The following IFITM10 variants were observed in gnomAD, a reference collection of about 807,000 sequenced individuals.
The protein encoded by IFITM10 is interferon-induced transmembrane protein 10.
Under a neutral mutation model 19.0 loss-of-function variants are expected in IFITM10, and 17 were observed. The observed-to-expected ratio is 0.90, with a 90% confidence interval of 0.61 to 1.34. The LOEUF is 1.34. Ranked by LOEUF, IFITM10 falls within the 40% of genes most tolerant of loss-of-function variation. IFITM10 has a pLI of 0.00. For synonymous variants in IFITM10, 148 were observed against 147.2 expected (o/e 1.01, Z -0.04); for missense variants, 306 against 319.8 (o/e 0.96, Z 0.33).
At chr11:1,742,463 G>A (rs952922648) in intron 2 of IFITM10, among the ~76,000 whole-genome samples, 2 of 152,316 alleles carry the variant, frequency 1.3e-5, no homozygotes, top group Middle Eastern at 3.4e-3. Context: ...TGGCTGGATT[G>A]AGCTGACAGT....
intron 2 of IFITM10, among the ~76,000 whole-genome samples, chr11:1,742,954 G>A (rs888717561): frequency 4.0e-5 from 6 of 151,042 alleles, no homozygotes; most frequent in African/African-American, 1.5e-4. Flanking sequence ...GATGGATGGA[G>A]GATGGACAGA....
chr11:1,742,574 T>C (rs935852335), intron 2 of IFITM10, among the ~76,000 whole-genome samples: 2 of 152,104 alleles, frequency 1.3e-5, no homozygotes, highest in Admixed American at 6.5e-5. Flanking sequence ...GGTGGATGTC[T>C]TGAAGGGTGA....
At chr11:1,750,315 C>T in intron 1 of IFITM10, 44 bp downstream of exon 1, 1 of 1,550,514 alleles carries the variant, frequency 6.4e-7, no homozygotes, top group South Asian at 1.2e-5. Flanking sequence ...CCAAGTCCCC[C>T]ACTTCACCAC....
At chr11:1,744,648 T>A (rs1383441078) in intron 2 of IFITM10, 1 of 144,542 alleles carries the variant, frequency 6.9e-6, no homozygotes, top group Non-Finnish European at 1.5e-5. Flanking sequence ...GTGGGGGGGG[T>A]GGATGGATGG....
At chr11:1,747,210 C>G (rs994647339) in intron 2 of IFITM10, among the ~76,000 whole-genome samples, 1 of 152,132 alleles carries the variant, frequency 6.6e-6, no homozygotes, top group African/African-American at 2.4e-5. Context: ...GGGTGAGGAG[C>G]TGGATAAGAA....
At position 1,747,944 on chromosome 11, in the gene IFITM10, G is replaced by A; in HGVS notation, c.260C>T (p.Ala87Val). ...VSKPPALQAPAAPAPEPSASP... is the reference protein window; with the variant it reads ...VSKPPALQAPVAPAPEPSASP... ...GGCCGAGGGCTCAGGGGCAGGGGCC[G>A]CCGGAGCCTGCAGGGCAGGGGGCTT... Residue 87 changes from alanine (A) to valine (V), a missense_variant, in exon 2 of 3, where the codon GCG becomes GTG. By Grantham distance (64) the Ala-to-Val change is moderately conservative. Transcript: ENST00000340134. 5 of 1,473,454 alleles carry A rather than the reference G, an allele frequency of 3.4e-6. No homozygotes were observed. Among genetic ancestry groups the A allele is most frequent in the Non-Finnish European group, 4.5e-6 (5 of 1,110,648 alleles). 91.3% of individuals were successfully genotyped at this position (1,473,454 alleles called of 1,614,324 possible).
intron 1 of IFITM10, 132 bp from the exon 2 acceptor site, chr11:1,748,251 A>AC (rs1845673866): frequency 4.3e-6 from 3 of 694,874 alleles, no homozygotes; most frequent in Non-Finnish European, 6.1e-6. Flanking sequence ...CCAGCCTGCC[A>AC]CCTGCCTCCC....
intron 2 of IFITM10, among the ~76,000 whole-genome samples, chr11:1,743,216 T>A (rs1845592193): frequency 7.0e-6 from 1 of 142,002 alleles, no homozygotes; most frequent in Non-Finnish European, 1.5e-5. Context: ...GATGGACAGA[T>A]GAAGAATGGA....
intron 2 of IFITM10, among the ~76,000 whole-genome samples, chr11:1,747,431 C>T (rs1354095244): frequency 6.6e-6 from 1 of 151,414 alleles, no homozygotes; most frequent in Non-Finnish European, 1.5e-5. Flanking sequence ...GCCCTGATGG[C>T]TCAGGAGAGG....
Position 1,734,937 on chromosome 11 carries a change from TA to T in IFITM10, c.*342del, listed in dbSNP as rs755918254. 3 of 322,700 alleles carry T rather than the reference TA, an allele frequency of 9.3e-6. No individual in the cohort carries two copies. The highest frequency in any genetic ancestry group is 2.1e-5 in the African/African-American group (1 of 46,882). The allele number at this position is 322,700 out of a possible 1,614,324, so 20.0% of individuals were successfully genotyped here. A position where few individuals can be genotyped will look rare whatever the true frequency, so the allele number is the denominator to read the frequency against. ...ACAATTTTGCATAAGCCCTTCCTGC[TA>T]GGTGTCAGGTCCAAGGGGCCCCAGG... On this transcript the variant is annotated 3_prime_UTR_variant, in exon 3 of 3. Transcript: ENST00000340134.
chr11:1,735,244 G>A lies in IFITM10; in HGVS notation c.*36C>T. The A allele has an allele frequency of 1.3e-6, 2 of 1,548,712 alleles. No homozygotes were observed. The highest frequency in any genetic ancestry group is 1.2e-5 in the South Asian group (1 of 83,896). Reference sequence around the variant, plus strand: ...GGACCATGAGAATAAACATGTCTCAGTGCTTGTCTCCGCCAGCAGCCGTGC... The same window carrying A: ...GGACCATGAGAATAAACATGTCTCAATGCTTGTCTCCGCCAGCAGCCGTGC... On this transcript the variant is annotated 3_prime_UTR_variant, in exon 3 of 3. Coordinates refer to ENST00000340134, the MANE Select transcript of IFITM10 (RefSeq NM_001170820.4).
intron 1 of IFITM10, chr11:1,748,925 G>A: frequency 2.0e-6 from 1 of 497,006 alleles, no homozygotes; most frequent in African/African-American, 2.1e-5. Flanking sequence ...CAGCTCCCGT[G>A]CGGCGCTCGC....
chr11:1,748,181 C>A (rs1466667900), intron 1 of IFITM10, 62 bp from the exon 2 acceptor site: 1 of 1,180,616 alleles, frequency 8.5e-7, no homozygotes, highest in Admixed American at 3.8e-5. Context: ...CACCCTCACG[C>A]CCAGCAGCTC....
intron 2 of IFITM10, chr11:1,746,854 G>T (rs56917682): frequency 0.27 from 108,091 of 398,272 alleles, 16,743 homozygotes; most frequent in African/African-American, 0.51. Context: ...CTTCCGGTGC[G>T]TCGGGGTGGG....
In IFITM10 at chr11:1,750,555, G is replaced by A; in HGVS notation, c.-113C>T. The A allele has an allele frequency of 4.3e-6, 6 of 1,393,310 alleles. No homozygotes were observed. The highest frequency in any genetic ancestry group is 5.9e-6 in the Non-Finnish European group (6 of 1,022,646). The allele number at this position is 1,393,310 out of a possible 1,614,324, so 86.3% of individuals were successfully genotyped here. The stretch of plus-strand genomic sequence containing the variant: ...GTCTGGAAGGCCAGTCCTGCTTGGG[G>A]TCCTGTCTGCCTGCCTGTGCCTGAC... On this transcript the variant is annotated 5_prime_UTR_variant, in exon 1 of 3. Coordinates refer to ENST00000340134, the MANE Select transcript of IFITM10 (RefSeq NM_001170820.4).
intron 2 of IFITM10, among the ~76,000 whole-genome samples, chr11:1,739,344 G>A (rs917482745): frequency 2.0e-5 from 3 of 152,130 alleles, no homozygotes; most frequent in African/African-American, 7.2e-5. Context: ...AAGGAGGGTT[G>A]TTGGTGTAGT....
intron 2 of IFITM10, chr11:1,746,931 C>T (rs1197591837): frequency 4.0e-5 from 16 of 397,510 alleles, no homozygotes; most frequent in African/African-American, 1.6e-4. Flanking sequence ...CAGCACCAGA[C>T]ACATTGACAC....
chr11:1,749,716 C>A (rs910710915), intron 1 of IFITM10, among the ~76,000 whole-genome samples: 1 of 151,812 alleles, frequency 6.6e-6, no homozygotes, highest in African/African-American at 2.4e-5. Context: ...CCCATCCTGT[C>A]CCTAACCAAG....
chr11:1,749,913 T>C (rs1053917000), intron 1 of IFITM10, among the ~76,000 whole-genome samples: 1 of 152,024 alleles, frequency 6.6e-6, no homozygotes, highest in Non-Finnish European at 1.5e-5. Flanking sequence ...TCCAGTTCAC[T>C]CCCAGAGTCT....
Sources: allele counts gnomAD v4.1 joint callset (sites outside exome capture counted in the v4.1 genomes callset), GRCh38; gene constraint gnomAD v4.1.1; transcripts MANE v1.5; gene names NCBI Gene and HGNC (gene_info 2026-07-23, HGNC 2026-07-21).